The following PID1 variants were observed in gnomAD, a reference collection of about 807,000 sequenced individuals.
PID1 encodes phosphotyrosine interaction domain containing 1, also known as PTB-containing, cubilin and LRP1-interacting protein.
In PID1, 10 loss-of-function variants were observed where a neutral mutation model predicts 19.1. That is an observed-to-expected ratio of 0.52 (90% confidence interval 0.32 to 0.89). The LOEUF (loss-of-function observed/expected upper bound fraction) is 0.89. PID1 is among the 40% of genes least tolerant of loss of function. The pLI is 0.03. For synonymous variants in PID1, 130 were observed against 116.0 expected (o/e 1.12, Z -0.78); for missense variants, 248 against 285.3 (o/e 0.87, Z 0.94).
At chr2:229,146,491 A>C (rs928373890) in intron 2 of PID1, among the ~76,000 whole-genome samples, 1 of 151,662 alleles carries the variant, frequency 6.6e-6, no homozygotes, top group East Asian at 1.9e-4. Context: ...ACTTAAAGTA[A>C]ATTTTTAAAA....
chr2:229,071,968 A>G (rs998404696), intron 2 of PID1, among the ~76,000 whole-genome samples: 2 of 152,118 alleles, frequency 1.3e-5, no homozygotes, highest in Admixed American at 1.3e-4. Context: ...TAATATAGAA[A>G]TTTTCTCATT....
At chr2:229,107,933 G>A (rs16825725) in intron 2 of PID1, among the ~76,000 whole-genome samples, 9,744 of 152,150 alleles carry the variant, frequency 0.064, 343 homozygotes, top group African/African-American at 0.078. Context: ...AAGCATTTAC[G>A]AGACAACTGT....
At chr2:229,038,850 A>G (rs544740091) in intron 2 of PID1, among the ~76,000 whole-genome samples, 1 of 152,170 alleles carries the variant, frequency 6.6e-6, no homozygotes, top group Non-Finnish European at 1.5e-5. Context: ...TAATGACCAC[A>G]TCTTCTGCTG....
intron 1 of PID1, among the ~76,000 whole-genome samples, chr2:229,245,294 T>C (rs535019778): frequency 1.3e-5 from 2 of 152,240 alleles, no homozygotes; most frequent in South Asian, 4.1e-4. Flanking sequence ...ATGAAAATGA[T>C]GCTTCTTGTA....
chr2:229,085,010 G>A (rs1200051103), intron 2 of PID1, among the ~76,000 whole-genome samples: 3 of 151,576 alleles, frequency 2.0e-5, no homozygotes, highest in Non-Finnish European at 2.9e-5. Context: ...TCTCCTTATC[G>A]TTTCTGGATT....
intron 2 of PID1, among the ~76,000 whole-genome samples, chr2:229,114,174 AACACACACAC>A (rs151089843): frequency 1.6e-5 from 2 of 124,574 alleles, no homozygotes; most frequent in Non-Finnish European, 3.7e-5. Context: ...TCTCCACACA[AACACACACAC>A]ACACACACAC....
chr2:229,241,627 T>C (rs1262303183), intron 1 of PID1, among the ~76,000 whole-genome samples: 3 of 152,166 alleles, frequency 2.0e-5, no homozygotes, highest in Non-Finnish European at 2.9e-5. Flanking sequence ...GAAAAGTTAG[T>C]GAGTTATTAG....
intron 2 of PID1, among the ~76,000 whole-genome samples, chr2:229,056,608 A>C (rs1204105369): frequency 7.6e-6 from 1 of 131,496 alleles, no homozygotes; most frequent in Non-Finnish European, 1.7e-5. Flanking sequence ...AAATAAATAA[A>C]AATAATATAT....
intron 1 of PID1, among the ~76,000 whole-genome samples, chr2:229,196,315 C>T (rs964733894): frequency 4.6e-5 from 7 of 151,988 alleles, no homozygotes; most frequent in African/African-American, 1.4e-4. Flanking sequence ...CCTTTTCAAA[C>T]ATATTTTTCA....
intron 2 of PID1, among the ~76,000 whole-genome samples, chr2:229,088,488 T>C (rs925444305): frequency 6.6e-6 from 1 of 152,136 alleles, no homozygotes; most frequent in Non-Finnish European, 1.5e-5. Flanking sequence ...CAATGGAGTA[T>C]TCATGATGAA....
At chr2:229,121,283 A>G (rs1377998425) in intron 2 of PID1, among the ~76,000 whole-genome samples, 1 of 152,128 alleles carries the variant, frequency 6.6e-6, no homozygotes, top group East Asian at 1.9e-4. Context: ...TTTGAACCTC[A>G]AAGAAGCAAC....
intron 2 of PID1, among the ~76,000 whole-genome samples, chr2:229,046,686 T>C (rs139072623): frequency 7.2e-4 from 110 of 152,326 alleles, no homozygotes; most frequent in African/African-American, 2.5e-3. Context: ...GTGAGGTTTT[T>C]ATTCTTCAGA....
intron 1 of PID1, among the ~76,000 whole-genome samples, chr2:229,233,837 C>T (rs1282119413): frequency 1.3e-5 from 2 of 152,182 alleles, no homozygotes; most frequent in Admixed American, 6.5e-5. Flanking sequence ...GAAACCTCTA[C>T]TACCAGCATG....
chr2:229,051,467 A>G (rs934146916), intron 2 of PID1, among the ~76,000 whole-genome samples: 10 of 151,986 alleles, frequency 6.6e-5, no homozygotes, highest in African/African-American at 2.4e-4. Flanking sequence ...CCTCCCAAGT[A>G]GCTAGGATTA....
intron 1 of PID1, chr2:229,228,123 GA>G: frequency 2.2e-6 from 1 of 447,290 alleles, no homozygotes; most frequent in Non-Finnish European, 4.5e-6. Flanking sequence ...CAAGAGAATC[GA>G]GATAAAGAAC....
At chr2:229,172,609 A>G (rs1690732450) in intron 1 of PID1, among the ~76,000 whole-genome samples, 1 of 152,230 alleles carries the variant, frequency 6.6e-6, no homozygotes, top group Non-Finnish European at 1.5e-5. Flanking sequence ...CATATTGATT[A>G]GGGCCCACCC....
intron 2 of PID1, among the ~76,000 whole-genome samples, chr2:229,038,506 T>TACTGG (rs1693707387): frequency 6.6e-6 from 1 of 152,200 alleles, no homozygotes; most frequent in Non-Finnish European, 1.5e-5. Flanking sequence ...GGAGAACAGA[T>TACTGG]TACTGGTTGT....
At chr2:229,131,898 G>C (rs1362864823) in intron 2 of PID1, among the ~76,000 whole-genome samples, 2 of 152,082 alleles carry the variant, frequency 1.3e-5, no homozygotes, top group East Asian at 3.9e-4. Context: ...ATGAGGGTGG[G>C]CAGAAGATTA....
intron 1 of PID1, among the ~76,000 whole-genome samples, chr2:229,269,896 A>ATCC (rs1690690149): frequency 6.6e-5 from 10 of 152,154 alleles, no homozygotes; most frequent in African/African-American, 2.2e-4. Flanking sequence ...GAGCTTTGGA[A>ATCC]AGGAGCTGTG....
Sources: allele counts gnomAD v4.1 joint callset (sites outside exome capture counted in the v4.1 genomes callset), GRCh38; gene constraint gnomAD v4.1.1; transcripts MANE v1.5; gene names NCBI Gene and HGNC (gene_info 2026-07-23, HGNC 2026-07-21).